Variants in NCAM1 observed in about 807,000 individuals in gnomAD.
The protein encoded by NCAM1 is antigen recognized by monoclonal antibody 5.1H11.
Under a neutral mutation model 109.8 loss-of-function variants are expected in NCAM1, and 14 were observed. The observed-to-expected ratio is 0.13, with a 90% CI of 0.08 to 0.20. NCAM1 has a LOEUF of 0.20. Ranked by LOEUF, NCAM1 falls within the 10% of genes least tolerant of loss-of-function variation. NCAM1 has a pLI of 1.00. For missense variants in NCAM1, 774 were observed against 1,109.9 expected (o/e 0.70, Z 4.30); for synonymous variants, 418 against 442.9 (o/e 0.94, Z 0.70).
chr11:113,156,401 T>C (rs1466374847), intron 1 of NCAM1, among the ~76,000 whole-genome samples: 2 of 152,036 alleles, frequency 1.3e-5, no homozygotes, highest in African/African-American at 4.8e-5. Context: ...ACTAGAAATA[T>C]ATATTGGGGG....
At chr11:113,223,884 G>A (rs1237810635) in intron 9 of NCAM1, among the ~76,000 whole-genome samples, 1 of 152,178 alleles carries the variant, frequency 6.6e-6, no homozygotes, top group Non-Finnish European at 1.5e-5. Flanking sequence ...ATGCTCTTGA[G>A]GCCACTAGTC....
intron 1 of NCAM1, among the ~76,000 whole-genome samples, chr11:113,080,026 C>T (rs1340916221): frequency 1.3e-5 from 2 of 152,128 alleles, no homozygotes; most frequent in South Asian, 2.1e-4. Flanking sequence ...CAGGATAATA[C>T]CAGAGATTCA....
At chr11:113,104,375 C>G (rs1288138748) in intron 1 of NCAM1, among the ~76,000 whole-genome samples, 1 of 149,280 alleles carries the variant, frequency 6.7e-6, no homozygotes, top group African/African-American at 2.5e-5. Context: ...TTTTTTTTTT[C>G]TATTACAAGA....
At chr11:113,169,250 G>A (rs781814181) in intron 1 of NCAM1, among the ~76,000 whole-genome samples, 1 of 152,138 alleles carries the variant, frequency 6.6e-6, no homozygotes, top group Non-Finnish European at 1.5e-5. Flanking sequence ...GTTTGCCCAC[G>A]TTATGAGGCT....
intron 13 of NCAM1, among the ~76,000 whole-genome samples, chr11:113,234,458 C>T (rs1945102922): frequency 6.6e-6 from 1 of 152,154 alleles, no homozygotes; most frequent in South Asian, 2.1e-4. Flanking sequence ...TCACTACCTC[C>T]TCCCAGCCCC....
Position 113,277,807 on chromosome 11 carries a change from C to CATT in NCAM1, c.*2422_*2424dup. ...GCCCACATTTTGGTCTGTTCTCTCCCATTACACATAGGTTTGTCTCAGCAT... is the reference window on the plus strand; with the variant it reads ...GCCCACATTTTGGTCTGTTCTCTCCCATTATTACACATAGGTTTGTCTCAGCAT... On this transcript the variant is annotated 3_prime_UTR_variant, in exon 20 of 20. Coordinates refer to ENST00000316851, the MANE Select transcript of NCAM1 (RefSeq NM_181351.5). 1 of 147,866 alleles carries CATT rather than the reference C, an allele frequency of 6.8e-6. No individual in the cohort carries two copies. Among genetic ancestry groups the CATT allele is most frequent in the East Asian group, 1.3e-4 (1 of 7,532 alleles). 9.2% of individuals were successfully genotyped at this position (147,866 alleles called of 1,614,324 possible).
At chr11:113,192,788 T>G (rs1555110105) in intron 1 of NCAM1, among the ~76,000 whole-genome samples, 1 of 152,230 alleles carries the variant, frequency 6.6e-6, no homozygotes, top group Non-Finnish European at 1.5e-5. Context: ...TTTCTGTTCC[T>G]GGTGTTTTCC....
At chr11:112,968,892 AC>A (rs1950797794) in intron 1 of NCAM1, among the ~76,000 whole-genome samples, 1 of 152,140 alleles carries the variant, frequency 6.6e-6, no homozygotes. Flanking sequence ...AACTCAACAA[AC>A]CTTTGTGAAG....
intron 1 of NCAM1, among the ~76,000 whole-genome samples, chr11:113,049,442 T>G (rs1392533251): frequency 3.3e-5 from 5 of 152,218 alleles, no homozygotes; most frequent in African/African-American, 1.2e-4. Flanking sequence ...ATCAGCTATC[T>G]TGCAGAGTGT....
At chr11:113,123,079 AAG>A (rs1304910312) in intron 1 of NCAM1, among the ~76,000 whole-genome samples, 1 of 152,056 alleles carries the variant, frequency 6.6e-6, no homozygotes, top group African/African-American at 2.4e-5. Context: ...TGGAGGAAGG[AAG>A]AGGGGAAGAA....
chr11:113,099,385 T>C (rs1939757972), intron 1 of NCAM1, among the ~76,000 whole-genome samples: 1 of 152,196 alleles, frequency 6.6e-6, no homozygotes, highest in African/African-American at 2.4e-5. Context: ...GTACCCATGT[T>C]TGAATTTGGT....
chr11:113,144,573 C>T (rs1756072875), intron 1 of NCAM1, among the ~76,000 whole-genome samples: 1 of 152,168 alleles, frequency 6.6e-6, no homozygotes, highest in Non-Finnish European at 1.5e-5. Context: ...CCTTAATTTA[C>T]AGTAATGCAG....
intron 1 of NCAM1, among the ~76,000 whole-genome samples, chr11:113,173,787 C>T (rs1345403261): frequency 1.3e-5 from 2 of 151,562 alleles, no homozygotes; most frequent in Non-Finnish European, 2.9e-5. Context: ...ATAAGATGTG[C>T]GAGGCTCATA....
chr11:113,004,751 A>G (rs1303732163), intron 1 of NCAM1, among the ~76,000 whole-genome samples: 1 of 150,578 alleles, frequency 6.6e-6, no homozygotes, highest in African/African-American at 2.4e-5. Context: ...TTTGTTAGAC[A>G]CTCAATGGGA....
chr11:113,256,097 G>A, intron 16 of NCAM1, 96 bp downstream of exon 16: 1 of 1,472,412 alleles, frequency 6.8e-7, no homozygotes. Context: ...GGCAGGGGTG[G>A]GATGGGGTCT....
At chr11:113,183,538 A>G (rs1328483462) in intron 1 of NCAM1, among the ~76,000 whole-genome samples, 2 of 152,146 alleles carry the variant, frequency 1.3e-5, no homozygotes, top group Non-Finnish European at 2.9e-5. Context: ...AAATTACAGA[A>G]ATGACCTGAC....
intron 8 of NCAM1, among the ~76,000 whole-genome samples, chr11:113,220,467 G>A (rs534900617): frequency 1.1e-4 from 17 of 151,972 alleles, no homozygotes; most frequent in Admixed American, 4.6e-4. Flanking sequence ...TTCCTTTTTG[G>A]CAATAAAAAT....
chr11:113,209,546 G>T (rs1944331442), intron 7 of NCAM1, among the ~76,000 whole-genome samples: 1 of 152,188 alleles, frequency 6.6e-6, no homozygotes, highest in Non-Finnish European at 1.5e-5. Context: ...GATCACCATT[G>T]TTGCTGGACA....
intron 1 of NCAM1, among the ~76,000 whole-genome samples, chr11:113,052,763 A>G (rs1953552861): frequency 6.6e-6 from 1 of 152,164 alleles, no homozygotes; most frequent in East Asian, 1.9e-4. Context: ...AACGTGTGCC[A>G]TGGTGGTTTG....
Sources: allele counts gnomAD v4.1 joint callset (sites outside exome capture counted in the v4.1 genomes callset), GRCh38; gene constraint gnomAD v4.1.1; transcripts MANE v1.5; gene names NCBI Gene and HGNC (gene_info 2026-07-23, HGNC 2026-07-21).